ACBD6: variants seen among roughly 807,000 people sequenced by gnomAD.
ACBD6 encodes acyl-CoA binding domain containing 6.
A neutral mutation model predicts 37.2 loss-of-function variants in ACBD6; 28 were observed. The ratio of observed to expected loss-of-function variants is 0.75; its 90% CI spans 0.56 to 1.03. The LOEUF (loss-of-function observed/expected upper bound fraction) is 1.03, where lower values mean the gene tolerates loss of function less well. ACBD6 is among the 50% of genes least tolerant of loss of function. ACBD6 has a pLI of 0.00. For missense variants in ACBD6, 340 were observed against 337.4 expected, an observed-to-expected ratio of 1.01 and a Z score of -0.06; for synonymous variants, 113 against 126.8, an observed-to-expected ratio of 0.89 and a Z score of 0.73.
chr1:180,455,797 T>C (rs1649893295), intron 3 of ACBD6, among the ~76,000 whole-genome samples: 1 of 152,170 alleles, frequency 6.6e-6, no homozygotes, highest in African/African-American at 2.4e-5. Context: ...AATACCACCA[T>C]CTTAGAATTA....
At chr1:180,315,177 G>A (rs1571349782) in intron 6 of ACBD6, among the ~76,000 whole-genome samples, 1 of 152,000 alleles carries the variant, frequency 6.6e-6, no homozygotes, top group East Asian at 1.9e-4. Flanking sequence ...CAAATTCCAG[G>A]CTAATAACAC....
At position 180,493,247 on chromosome 1, in the gene ACBD6, C is replaced by CA. The variant is rs71121023; in HGVS notation, c.288-883dup. ...TGGGCAACAGAGCAAAATTCTGTCT[C>CA]AAAAAAAAAAAAAAAAAAAAAAAAA... On this transcript the variant is annotated intron_variant, in intron 2 of 7. Coordinates refer to ENST00000367595, the MANE Select transcript of ACBD6 (RefSeq NM_032360.4). Among the ~76,000 whole-genome samples the CA allele has an allele frequency of 1.7e-3, 80 of 47,784 alleles. 5 individuals are homozygous for CA. The highest frequency in any genetic ancestry group is 2.6e-3 in the African/African-American group (22 of 8,560). The allele number at this position is 47,784 out of a possible 152,430, so 31.3% of individuals were successfully genotyped here.
At position 180,392,159 on chromosome 1, in the gene ACBD6, A is replaced by T. The variant is rs150886499; in HGVS notation, c.663+5357T>A. Among the ~76,000 whole-genome samples the T allele has an allele frequency of 2.7e-3, 413 of 152,258 alleles. 4 individuals carry two copies. The highest frequency in any genetic ancestry group is 0.014 in the East Asian group (75 of 5,176). On this transcript the variant is annotated intron_variant, in intron 6 of 7. Transcript: ENST00000367595. ...ACCTCAGGGTGGAAGTGAAGGATGCATATTGACAGGAAGTAACTTTAGGGA... is the reference window on the plus strand; with the variant it reads ...ACCTCAGGGTGGAAGTGAAGGATGCTTATTGACAGGAAGTAACTTTAGGGA...
chr1:180,354,512 G>A (rs1652546833), intron 6 of ACBD6, among the ~76,000 whole-genome samples: 1 of 151,786 alleles, frequency 6.6e-6, no homozygotes, highest in Non-Finnish European at 1.5e-5. Context: ...AATTTTTACT[G>A]TACACATTAG....
intron 9 of ACBD6, chr1:180,275,437 A>ACAAT (rs564218424): frequency 3.5e-4 from 54 of 152,354 alleles, no homozygotes; most frequent in East Asian, 3.1e-3. Flanking sequence ...GAACAAAATG[A>ACAAT]CAATCAATCA....
rs374296957 is a variant in ACBD6, at chr1:180,427,325, T to C, written c.467+2855A>G. Reference sequence around the variant, plus strand: ...TCCTTTTTTAAAAATAACAGTTCCATAGAAAAGAATTTTTGCTTTCATCCA... The same window carrying C: ...TCCTTTTTTAAAAATAACAGTTCCACAGAAAAGAATTTTTGCTTTCATCCA... On this transcript the variant is annotated intron_variant, in intron 4 of 7. Coordinates refer to ENST00000367595, the MANE Select transcript of ACBD6 (RefSeq NM_032360.4). Among the ~76,000 whole-genome samples the C allele has an allele frequency of 3.9e-5, 6 of 152,308 alleles. No homozygotes were observed. The South Asian group carries it at 1.0e-3, about 26-fold the overall frequency.
chr1:180,407,940 T>C (rs1219377201), intron 5 of ACBD6, among the ~76,000 whole-genome samples: 3 of 152,354 alleles, frequency 2.0e-5, no homozygotes, highest in South Asian at 2.1e-4. Flanking sequence ...GGCCTACTTA[T>C]TGATTTGTTA....
chr1:180,356,781 C>G (rs1240707851), intron 6 of ACBD6, among the ~76,000 whole-genome samples: 4 of 149,210 alleles, frequency 2.7e-5, no homozygotes, highest in African/African-American at 9.9e-5. Flanking sequence ...GCATGGGCGG[C>G]GGAGGTTGCA....
chr1:180,318,075 T>C lies in ACBD6; in HGVS notation c.664-3353A>G, dbSNP rs1201593985. ...TGTCTGTAGTCCCAGCTACTCGGGA[T>C]TGCTTGAACCCAGGAGATGGAGGTT... On this transcript the variant is annotated intron_variant, in intron 6 of 7. Transcript: ENST00000367595. 4.7e-5 allele frequency among the ~76,000 whole-genome samples: 7 copies of C among 149,956 alleles called. No individual in the cohort carries two copies. In the Admixed American group the frequency reaches 4.7e-4, roughly 10 times the overall value.
At chr1:180,305,371 C>A (rs142108771) in intron 7 of ACBD6, among the ~76,000 whole-genome samples, 1,732 of 152,114 alleles carry the variant, frequency 0.011, 40 homozygotes, top group African/African-American at 0.039. Flanking sequence ...GGCTAATATC[C>A]AGAATCTATA....
chr1:180,339,459 C>T lies in ACBD6; in HGVS notation c.664-24737G>A, dbSNP rs527515636. On this transcript the variant is annotated intron_variant, in intron 6 of 7. Transcript: ENST00000367595. ...AAAAACCAAACACCGCATGTTCTCA[C>T]TCATAGGTGGGAATTGAACAATGAG... is the stretch of plus-strand genomic sequence containing the variant. 7.9e-5 allele frequency among the ~76,000 whole-genome samples: 12 copies of T among 152,260 alleles called. No individual in the cohort carries two copies. The South Asian group carries it at 2.5e-3, about 32-fold the overall frequency.
intron 3 of ACBD6, chr1:180,434,976 A>G (rs572851346): frequency 3.4e-6 from 3 of 873,564 alleles, no homozygotes; most frequent in South Asian, 2.6e-5. Flanking sequence ...AACCAAGTAC[A>G]GATGGACTGA....
At chr1:180,385,215 T>C (rs2101933260) in intron 6 of ACBD6, among the ~76,000 whole-genome samples, 2 of 151,414 alleles carry the variant, frequency 1.3e-5, no homozygotes, top group South Asian at 2.1e-4. Context: ...ACACATTCTA[T>C]ACATGCAACA....
chr1:180,272,273 CT>C (rs1325972299), intron 13 of ACBD6, among the ~76,000 whole-genome samples: 1 of 152,130 alleles, frequency 6.6e-6, no homozygotes, highest in Non-Finnish European at 1.5e-5. Context: ...TCCCCTCCTG[CT>C]GACTGGGGCC....
intron 6 of ACBD6, among the ~76,000 whole-genome samples, chr1:180,341,511 T>G (rs1349678749): frequency 6.6e-6 from 1 of 152,124 alleles, no homozygotes; most frequent in Non-Finnish European, 1.5e-5. Flanking sequence ...GTTTTCCCTA[T>G]TTTCTGTATA....
chr1:180,395,026 A>G (rs746749395), intron 6 of ACBD6, among the ~76,000 whole-genome samples: 7 of 152,362 alleles, frequency 4.6e-5, no homozygotes, highest in Admixed American at 1.3e-4. Context: ...TTCATCATTC[A>G]TCAAACAGGC....
chr1:180,458,026 C>T (rs1443211789), intron 3 of ACBD6, among the ~76,000 whole-genome samples: 1 of 152,072 alleles, frequency 6.6e-6, no homozygotes, highest in Non-Finnish European at 1.5e-5. Flanking sequence ...AAACTCCTGA[C>T]CTCAGGTGAT....
At chr1:180,334,066 C>G (rs1651598150) in intron 6 of ACBD6, among the ~76,000 whole-genome samples, 1 of 152,228 alleles carries the variant, frequency 6.6e-6, no homozygotes, top group South Asian at 2.1e-4. Flanking sequence ...GCCTGCCTGC[C>G]TCTGTAGACT....
chr1:180,394,431 A>C (rs903630223), intron 6 of ACBD6, among the ~76,000 whole-genome samples: 6 of 151,724 alleles, frequency 4.0e-5, no homozygotes, highest in Non-Finnish European at 8.8e-5. Flanking sequence ...TAGTGGTAAT[A>C]GTGGTTGGGG....
Sources: allele counts gnomAD v4.1 joint callset (sites outside exome capture counted in the v4.1 genomes callset), GRCh38; gene constraint gnomAD v4.1.1; transcripts MANE v1.5; gene names NCBI Gene and HGNC (gene_info 2026-07-23, HGNC 2026-07-21).